The following CAP2 variants were observed in gnomAD, a reference collection of about 807,000 sequenced individuals.
The protein encoded by CAP2 is cyclase associated actin cytoskeleton regulatory protein 2.
CAP2 carries 24 observed loss-of-function variants against 57.7 expected under a neutral mutation model. The ratio of observed to expected loss-of-function variants is 0.42; its 90% CI spans 0.30 to 0.58. The LOEUF is 0.58. CAP2 is among the 20% of genes least tolerant of loss of function. The pLI is 0.22. For missense variants in CAP2, 501 were observed against 590.3 expected (o/e 0.85, Z 1.57); for synonymous variants, 194 against 207.2 (o/e 0.94, Z 0.55).
intron 7 of CAP2, chr6:17,530,818 C>CTTTT (rs35589543): frequency 9.3e-6 from 5 of 535,772 alleles, no homozygotes; most frequent in Admixed American, 3.5e-5. Flanking sequence ...TGGTCTCCCA[C>CTTTT]TTTTTTTTTT....
chr6:17,534,237 TA>T (rs1762717017), intron 7 of CAP2, among the ~76,000 whole-genome samples: 1 of 152,242 alleles, frequency 6.6e-6, no homozygotes, highest in Non-Finnish European at 1.5e-5. Flanking sequence ...AATTTGTTAT[TA>T]AGAAAAGCCT....
intron 11 of CAP2, among the ~76,000 whole-genome samples, chr6:17,547,596 T>C (rs148635837): frequency 0.036 from 5,542 of 151,998 alleles, 117 homozygotes; most frequent in South Asian, 0.097. Context: ...AATCCCAGCA[T>C]TTTGGGAGGC....
At chr6:17,428,683 G>A (rs1243457245) in intron 3 of CAP2, among the ~76,000 whole-genome samples, 11 of 150,970 alleles carry the variant, frequency 7.3e-5, no homozygotes, top group Non-Finnish European at 1.6e-4. Context: ...TAGATGACGA[G>A]TTAGTGGGTG....
At chr6:17,452,956 G>A (rs1309011117) in intron 3 of CAP2, among the ~76,000 whole-genome samples, 2 of 152,126 alleles carry the variant, frequency 1.3e-5, no homozygotes, top group African/African-American at 4.8e-5. Flanking sequence ...GTGGAGGAGG[G>A]GGCCACATAT....
At chr6:17,418,576 G>A (rs1238216765) in intron 1 of CAP2, among the ~76,000 whole-genome samples, 1 of 152,214 alleles carries the variant, frequency 6.6e-6, no homozygotes, top group East Asian at 1.9e-4. Context: ...AGTGTGAAAT[G>A]TAACAGGCCT....
At chr6:17,462,549 C>T (rs1191803354) in intron 3 of CAP2, among the ~76,000 whole-genome samples, 1 of 151,482 alleles carries the variant, frequency 6.6e-6, no homozygotes, top group Admixed American at 6.6e-5. Context: ...AGTTCACTCC[C>T]CATTCCTCCC....
intron 11 of CAP2, among the ~76,000 whole-genome samples, chr6:17,546,936 C>T (rs1449564618): frequency 2.0e-5 from 3 of 152,130 alleles, no homozygotes; most frequent in Non-Finnish European, 4.4e-5. Context: ...GAAACCCCAT[C>T]GTCTCAGCCC....
chr6:17,423,428 G>C (rs1454131538), intron 2 of CAP2, among the ~76,000 whole-genome samples: 1 of 151,950 alleles, frequency 6.6e-6, no homozygotes, highest in Non-Finnish European at 1.5e-5. Flanking sequence ...GTATACAATT[G>C]GTATATGATT....
intron 1 of CAP2, among the ~76,000 whole-genome samples, chr6:17,417,380 A>C (rs1363782820): frequency 6.7e-6 from 1 of 149,784 alleles, no homozygotes; most frequent in Non-Finnish European, 1.5e-5. Flanking sequence ...GGCTCAAGAG[A>C]TCCTCCTGCC....
chr6:17,507,440 C>A, intron 5 of CAP2, 128 bp downstream of exon 5: 1 of 949,998 alleles, frequency 1.1e-6, no homozygotes, highest in Non-Finnish European at 1.6e-6. Context: ...AATGCATCCA[C>A]TTTCTCCTAC....
At chr6:17,524,843 C>T (rs1305385157) in intron 7 of CAP2, among the ~76,000 whole-genome samples, 1 of 151,774 alleles carries the variant, frequency 6.6e-6, no homozygotes, top group East Asian at 1.9e-4. Flanking sequence ...CTGCCTCATA[C>T]CTTAATAAGA....
intron 3 of CAP2, among the ~76,000 whole-genome samples, chr6:17,459,312 G>A (rs1760663560): frequency 6.6e-6 from 1 of 152,202 alleles, no homozygotes; most frequent in African/African-American, 2.4e-5. Flanking sequence ...TCCTCTCCCT[G>A]TTCTAGCAGG....
At chr6:17,393,909 C>A (rs1267021578) in intron 1 of CAP2, among the ~76,000 whole-genome samples, 163 bp downstream of exon 1, 4 of 146,568 alleles carry the variant, frequency 2.7e-5, no homozygotes, top group Non-Finnish European at 6.0e-5. Flanking sequence ...ATAAAGGCGG[C>A]GCGGGCGCGG....
At chr6:17,520,629 A>G (rs1762369617) in intron 7 of CAP2, among the ~76,000 whole-genome samples, 1 of 152,094 alleles carries the variant, frequency 6.6e-6, no homozygotes, top group Non-Finnish European at 1.5e-5. Flanking sequence ...CTTGGTGTAA[A>G]GGCCAAATGT....
chr6:17,440,295 T>G, intron 3 of CAP2, among the ~76,000 whole-genome samples: 1 of 151,564 alleles, frequency 6.6e-6, no homozygotes, highest in East Asian at 1.9e-4. Context: ...TAATTTTGTC[T>G]GTGTATTTTT....
chr6:17,400,882 A>T (rs944940534), intron 1 of CAP2, among the ~76,000 whole-genome samples: 4 of 150,998 alleles, frequency 2.6e-5, no homozygotes, highest in African/African-American at 9.8e-5. Context: ...AAAAAAAAAG[A>T]ATCACTGGAT....
intron 1 of CAP2, among the ~76,000 whole-genome samples, chr6:17,415,905 G>T (rs532435168): frequency 6.6e-6 from 1 of 152,200 alleles, no homozygotes. Flanking sequence ...CTAGTTAAGG[G>T]CTTAACAGAC....
Position 17,557,627 on chromosome 6 carries a change from T to C in CAP2, c.*1185T>C, listed in dbSNP as rs971955266. 1 of 152,250 alleles carries C rather than the reference T, an allele frequency of 6.6e-6. No homozygotes were observed. Among genetic ancestry groups the C allele is most frequent in the Non-Finnish European group, 1.5e-5 (1 of 68,038 alleles). 9.4% of individuals were successfully genotyped at this position (152,250 alleles called of 1,614,324 possible). A position where few individuals can be genotyped will look rare whatever the true frequency, so the allele number is the denominator to read the frequency against. On this transcript the variant is annotated 3_prime_UTR_variant, in exon 13 of 13. Transcript: ENST00000229922. Reference sequence around the variant, plus strand: ...ATACATTGTTTCCATTTTTTAAATATCTTCTATATCCATATAGTATTCAAA... The same window carrying C: ...ATACATTGTTTCCATTTTTTAAATACCTTCTATATCCATATAGTATTCAAA...
chr6:17,532,263 C>T (rs1169558614), intron 7 of CAP2, among the ~76,000 whole-genome samples: 3 of 150,442 alleles, frequency 2.0e-5, no homozygotes, highest in African/African-American at 7.3e-5. Flanking sequence ...GCCTCAGCCT[C>T]CTGAGTAGCT....
Sources: gnomAD v4.1 joint callset for allele counts (sites outside exome capture counted in the v4.1 genomes callset) on GRCh38, gnomAD v4.1.1 for gene constraint, MANE v1.5 for transcripts, NCBI Gene and HGNC (gene_info 2026-07-23, HGNC 2026-07-21) for gene names.